Variants in XYLT1 observed in about 807,000 individuals in gnomAD.
The protein encoded by XYLT1 is beta-D-xylosyltransferase 1.
In XYLT1, 36 loss-of-function variants were observed where a neutral mutation model predicts 91.3. The observed-to-expected ratio is 0.39, with a 90% CI of 0.30 to 0.52. XYLT1 has a LOEUF of 0.52. Among genes scored for constraint, XYLT1 ranks in the 20% least tolerant of loss-of-function variants. XYLT1 has a pLI of 0.68. For synonymous variants in XYLT1, 588 were observed against 532.0 expected (o/e 1.11, Z -1.45); for missense variants, 1,242 against 1,284.5 (o/e 0.97, Z 0.51).
intron 2 of XYLT1, chr16:17,338,212 C>G: frequency 2.2e-6 from 1 of 456,522 alleles, no homozygotes; most frequent in South Asian, 1.5e-5. Context: ...CTTCTGCAAT[C>G]CATTCCCCAC....
At chr16:17,417,765 T>G (rs938254048) in intron 1 of XYLT1, among the ~76,000 whole-genome samples, 3 of 152,354 alleles carry the variant, frequency 2.0e-5, no homozygotes, top group Non-Finnish European at 4.4e-5. Flanking sequence ...ACCAATTGAA[T>G]GCAGTGAAAG....
chr16:17,317,186 G>A (rs1054255859), intron 2 of XYLT1, among the ~76,000 whole-genome samples: 1 of 152,046 alleles, frequency 6.6e-6, no homozygotes, highest in Non-Finnish European at 1.5e-5. Flanking sequence ...TCCCCATCTA[G>A]GTGTTTGCCT....
intron 1 of XYLT1, among the ~76,000 whole-genome samples, chr16:17,435,235 C>G (rs143164861): frequency 6.6e-6 from 1 of 152,188 alleles, no homozygotes; most frequent in Admixed American, 6.5e-5. Flanking sequence ...CCTGGAAGCA[C>G]GCACAGAACT....
chr16:17,124,848 G>A (rs1369709057), intron 10 of XYLT1, among the ~76,000 whole-genome samples: 1 of 152,166 alleles, frequency 6.6e-6, no homozygotes, highest in African/African-American at 2.4e-5. Flanking sequence ...TTGTCTTCAA[G>A]TTCTGAAGTT....
intron 1 of XYLT1, among the ~76,000 whole-genome samples, chr16:17,457,832 A>G (rs56080925): frequency 2.4e-4 from 37 of 152,368 alleles, no homozygotes; most frequent in Admixed American, 3.3e-4. Context: ...GTCCTCCATT[A>G]AAAAATAAAC....
chr16:17,256,122 C>T lies in XYLT1; in HGVS notation c.913+2866G>A, dbSNP rs140838220. On this transcript the variant is annotated intron_variant, in intron 3 of 11. Coordinates refer to ENST00000261381, the MANE Select transcript of XYLT1 (RefSeq NM_022166.4). ...TGTTAAAGTTGTCCCTGCTGCCACC[C>T]TGTCCCTGCAGATGGGGGGGCCATA... 5.8e-4 allele frequency among the ~76,000 whole-genome samples: 88 copies of T among 152,328 alleles called. 1 individual carries two copies. Among genetic ancestry groups the T allele is most frequent in the African/African-American group, 2.0e-3 (83 of 41,576 alleles).
intron 9 of XYLT1, among the ~76,000 whole-genome samples, chr16:17,129,451 G>A (rs1381923951): frequency 2.6e-5 from 4 of 151,916 alleles, no homozygotes; most frequent in African/African-American, 4.8e-5. Context: ...TAGTAGAGAC[G>A]GGGTTTCACC....
At chr16:17,175,303 G>A (rs745753845) in intron 5 of XYLT1, among the ~76,000 whole-genome samples, 25 of 152,148 alleles carry the variant, frequency 1.6e-4, no homozygotes, top group Non-Finnish European at 2.2e-4. Context: ...CTTGGGCAAC[G>A]TGTCTAATAA....
intron 3 of XYLT1, among the ~76,000 whole-genome samples, chr16:17,256,866 A>G (rs976091459): frequency 9.2e-5 from 14 of 152,192 alleles, no homozygotes; most frequent in Admixed American, 5.2e-4. Context: ...TTCCTCCCCA[A>G]TTCTGCAGCT....
chr16:17,285,620 G>A (rs973454031), intron 2 of XYLT1, among the ~76,000 whole-genome samples: 13 of 152,322 alleles, frequency 8.5e-5, no homozygotes, highest in Non-Finnish European at 1.9e-4. Flanking sequence ...TTCTGCTGAT[G>A]TTTCAGCCAG....
At position 17,181,768 on chromosome 16, in the gene XYLT1, T is replaced by A. The variant is rs191956100; in HGVS notation, c.1289+16444A>T. 2.6e-4 allele frequency among the ~76,000 whole-genome samples: 40 copies of A among 152,254 alleles called. 1 individual carries two copies. The East Asian group carries it at 6.2e-3, about 24-fold the overall frequency. On this transcript the variant is annotated intron_variant, in intron 5 of 11. Transcript: ENST00000261381. ...AAATGAATTGCACTTCTTTTTTTTT[T>A]AATGTTTCTTGCCTCAGGCCTGGGT...
intron 1 of XYLT1, among the ~76,000 whole-genome samples, chr16:17,459,421 G>A (rs553961866): frequency 8.5e-5 from 13 of 152,246 alleles, no homozygotes; most frequent in Non-Finnish European, 1.6e-4. Context: ...GTACAGATAC[G>A]AATAGTAACT....
chr16:17,423,347 C>T (rs548738789), intron 1 of XYLT1, among the ~76,000 whole-genome samples: 3 of 149,770 alleles, frequency 2.0e-5, no homozygotes, highest in African/African-American at 7.7e-5. Flanking sequence ...TCCTCAGGGG[C>T]AGCTGAGTCT....
intron 2 of XYLT1, among the ~76,000 whole-genome samples, chr16:17,296,189 G>A (rs954806739): frequency 1.3e-5 from 2 of 152,108 alleles, no homozygotes; most frequent in African/African-American, 4.8e-5. Context: ...CGGTAACATG[G>A]AGGTGGCTAG....
intron 1 of XYLT1, among the ~76,000 whole-genome samples, chr16:17,439,643 T>C (rs2036507550): frequency 6.6e-6 from 1 of 152,248 alleles, no homozygotes; most frequent in Admixed American, 6.5e-5. Flanking sequence ...GTAATCCGGC[T>C]AGAAAACACT....
intron 5 of XYLT1, among the ~76,000 whole-genome samples, chr16:17,177,837 T>C (rs1233131148): frequency 6.6e-6 from 1 of 152,160 alleles, no homozygotes. Context: ...CTCTGGGAAA[T>C]CTTTGAGAAT....
intron 1 of XYLT1, among the ~76,000 whole-genome samples, chr16:17,393,740 C>T (rs569803537): frequency 5.9e-5 from 9 of 151,566 alleles, no homozygotes; most frequent in African/African-American, 2.2e-4. Context: ...ATAGGGAGAC[C>T]CCATCTCAAA....
intron 1 of XYLT1, among the ~76,000 whole-genome samples, chr16:17,433,613 C>T (rs2141934521): frequency 6.6e-6 from 1 of 152,304 alleles, no homozygotes; most frequent in African/African-American, 2.4e-5. Context: ...CAAGTGGGTC[C>T]AGCCATGACC....
chr16:17,378,443 A>T (rs1324470247), intron 1 of XYLT1, among the ~76,000 whole-genome samples: 1 of 152,222 alleles, frequency 6.6e-6, no homozygotes, highest in African/African-American at 2.4e-5. Flanking sequence ...CTGCCAGGTC[A>T]CCAGTCAATG....
Sources: allele counts gnomAD v4.1 joint callset (sites outside exome capture counted in the v4.1 genomes callset), GRCh38; gene constraint gnomAD v4.1.1; transcripts MANE v1.5; gene names NCBI Gene and HGNC (gene_info 2026-07-23, HGNC 2026-07-21).